The following ENGASE variants were observed in gnomAD, a reference collection of about 807,000 sequenced individuals.
ENGASE encodes the protein endo-beta-N-acetylglucosaminidase.
In ENGASE, 69 loss-of-function variants were observed where a neutral mutation model predicts 78.5. The ratio of observed to expected loss-of-function variants is 0.88; its 90% confidence interval spans 0.72 to 1.07. The LOEUF (loss-of-function observed/expected upper bound fraction) is 1.07. ENGASE is among the 50% of genes least tolerant of loss of function. The pLI, the probability that ENGASE is intolerant of heterozygous loss-of-function variation, is 0.00. For synonymous variants in ENGASE, 408 were observed against 408.9 expected (o/e 1.00, Z 0.03); for missense variants, 943 against 988.4 (o/e 0.95, Z 0.62).
At chr17:79,075,477 G>A (rs1311844515) in intron 1 of ENGASE, among the ~76,000 whole-genome samples, 1 of 152,276 alleles carries the variant, frequency 6.6e-6, no homozygotes, top group Non-Finnish European at 1.5e-5. Context: ...TGGTGGAAGG[G>A]GTGGCCTTCT....
chr17:79,079,352 G>A (rs2073057712), intron 3 of ENGASE, 137 bp from the exon 4 acceptor site: 1 of 927,296 alleles, frequency 1.1e-6, no homozygotes, highest in African/African-American at 1.7e-5. Flanking sequence ...TTTGTGGGGA[G>A]AGATGGGGTT....
In ENGASE at chr17:79,086,218, C is replaced by T. The variant is rs1417894026; in HGVS notation, c.2101C>T (p.Leu701=). The change falls in exon 14 of 14, where the codon CTG becomes TTG. Residue 701 remains leucine, a synonymous_variant. Transcript: ENST00000579016. ...CACCCAGTACCGGATAGTGGACCTG[C>T]TGGTGGAAGCCGCCGGGCCCGGCCA... ...FATQYRIVDL[L]VEAAGPGQDR... 2 of 1,613,390 alleles carry T rather than the reference C, an allele frequency of 1.2e-6. No individual in the cohort carries two copies. The highest frequency in any genetic ancestry group is 1.7e-5 in the Admixed American group (1 of 60,006).
At position 79,077,833 on chromosome 17, in the gene ENGASE, C is replaced by A; in HGVS notation, c.385C>A (p.His129Asn). 6.2e-7 allele frequency: 1 copy of A among 1,609,208 alleles called. No homozygotes were observed. The highest frequency in any genetic ancestry group is 2.2e-5 in the East Asian group (1 of 44,558). ...CCAGAGGCCCCGGACTTTGTTGTGT[C>A]ATGACATGATGGGCGGGTACCTGGA... The part of the protein sequence containing the change: ...SSQRPRTLLC[H>N]DMMGGYLDDR... Residue 129 changes from histidine (H) to asparagine (N), a missense_variant, in exon 3 of 14, where the codon CAT (histidine) becomes AAT (asparagine). Physicochemically the swap from His to Asn is moderately conservative, Grantham distance 68. Transcript: ENST00000579016.
chr17:79,085,120 C>T lies in ENGASE; in HGVS notation c.1592-114C>T, dbSNP rs545447488. 99 of 814,598 alleles carry T rather than the reference C, an allele frequency of 1.2e-4. 1 individual carries two copies. Among genetic ancestry groups the T allele is most frequent in the Admixed American group, 9.7e-4 (50 of 51,350 alleles). 50.5% of individuals were successfully genotyped at this position (814,598 alleles called of 1,614,324 possible). On this transcript the variant is annotated intron_variant, in intron 11 of 13. Transcript: ENST00000579016. ...CTGGTTGCTTCTTGGGACCCGCGAG[C>T]GTCTGGCCGAATCAGGCAGCCTTCT...
chr17:79,076,355 G>A (rs2072967981), intron 1 of ENGASE, among the ~76,000 whole-genome samples: 1 of 152,000 alleles, frequency 6.6e-6, no homozygotes. Context: ...ACCTGAGTTC[G>A]GGAGTTTGAG....
At chr17:79,077,033 C>G (rs1429590798) in intron 1 of ENGASE, among the ~76,000 whole-genome samples, 1 of 152,180 alleles carries the variant, frequency 6.6e-6, no homozygotes, top group East Asian at 1.9e-4. Context: ...GCCACCATGC[C>G]CAGCTAATTT....
chr17:79,085,952 T>G lies in ENGASE; in HGVS notation c.1835T>G (p.Leu612Arg). The change falls in exon 14 of 14, where the codon CTG (leucine) becomes CGG (arginine). Residue 612 changes from leucine to arginine, a missense_variant. Physicochemically the swap from Leu to Arg is moderately radical, Grantham distance 102. Transcript: ENST00000579016. The stretch of plus-strand genomic sequence containing the variant: ...TGCCAGGTGGTGGACGCTGCCAGCC[T>G]GCTGGCCCCTCTGCCCCAGGTGCAG... ...GEIQVVDAASLLAPLPQVQAV... is the reference protein window; with the variant it reads ...GEIQVVDAASRLAPLPQVQAV... The G allele has an allele frequency of 2.5e-6, 4 of 1,601,352 alleles. No individual in the cohort carries two copies. The highest frequency in any genetic ancestry group is 3.4e-6 in the Non-Finnish European group (4 of 1,177,620).
At chr17:79,084,816 G>A (rs949278061) in intron 11 of ENGASE, 130 bp downstream of exon 11, 1 of 1,019,402 alleles carries the variant, frequency 9.8e-7, no homozygotes, top group Non-Finnish European at 1.5e-6. Flanking sequence ...GCCTTTGCCG[G>A]AGTCAGGGCA....
At chr17:79,084,725 G>A (rs750131354) in intron 11 of ENGASE, 39 bp downstream of exon 11, 18 of 1,602,020 alleles carry the variant, frequency 1.1e-5, no homozygotes, top group South Asian at 3.3e-5. Context: ...TGCCCAGGGC[G>A]GAGAGCTCAG....
At chr17:79,077,921 G>T in intron 3 of ENGASE, 57 bp downstream of exon 3, 1 of 1,402,542 alleles carries the variant, frequency 7.1e-7, no homozygotes, top group Non-Finnish European at 9.7e-7. Context: ...GCTGGGGTGG[G>T]GGCTGGAGGG....
In ENGASE at chr17:79,081,054, G is replaced by A. The variant is rs547678422; in HGVS notation, c.853G>A (p.Glu285Lys). The A allele has an allele frequency of 9.8e-6, 14 of 1,428,406 alleles. No homozygotes were observed. The East Asian group carries it at 2.2e-4, about 22-fold the overall frequency. The allele number at this position is 1,428,406 out of a possible 1,614,324, so 88.5% of individuals were successfully genotyped here. The change falls in exon 6 of 14, where the codon GAA becomes AAA. Residue 285 changes from glutamate to lysine, a missense_variant. Glu to Lys is a moderately conservative substitution (Grantham distance 56). Transcript: ENST00000579016. The stretch of plus-strand genomic sequence containing the variant: ...AAGTGGGCAGCTCAAATGGCAAGAC[G>A]AACTCAACCAGCACAACAGGTGAGC... Reference protein sequence around the residue: ...VQSGQLKWQDELNQHNRVFFD... With the variant: ...VQSGQLKWQDKLNQHNRVFFD...
chr17:79,080,894 C>A, intron 5 of ENGASE, 31 bp from the exon 6 acceptor site: 1 of 1,593,954 alleles, frequency 6.3e-7, no homozygotes. Flanking sequence ...CTGGGGCTCA[C>A]TGAGGCTCTC....
rs553622016 is a variant in ENGASE, at chr17:79,087,216, C to G, written c.*867C>G. 8.3e-6 allele frequency: 3 copies of G among 362,886 alleles called. No individual in the cohort carries two copies. The highest frequency in any genetic ancestry group is 4.2e-5 in the African/African-American group (2 of 47,348). The allele number at this position is 362,886 out of a possible 1,614,324, so 22.5% of individuals were successfully genotyped here. On this transcript the variant is annotated 3_prime_UTR_variant, in exon 14 of 14. Transcript: ENST00000579016. ...CAGGCAGGAAGCAGCACCTGCCCCC[C>G]GCGCCAGCCCAGCCCCAGCCTGAGT...
chr17:79,085,976 A>G lies in ENGASE; in HGVS notation c.1859A>G (p.Gln620Arg), dbSNP rs1282856604. The G allele has an allele frequency of 1.0e-5, 16 of 1,607,182 alleles. No homozygotes were observed. The highest frequency in any genetic ancestry group is 1.4e-5 in the Non-Finnish European group (16 of 1,179,530). Residue 620 changes from glutamine to arginine, a missense_variant, in exon 14 of 14, where the codon CAG (glutamine) becomes CGG (arginine). By Grantham distance (43) the Gln-to-Arg change is conservative. Coordinates refer to ENST00000579016, the MANE Select transcript of ENGASE (RefSeq NM_001042573.3). Reference protein sequence around the residue: ...ASLLAPLPQVQAVTISHIRWQ... With the variant: ...ASLLAPLPQVRAVTISHIRWQ... ...CTGCTGGCCCCTCTGCCCCAGGTGC[A>G]GGCCGTCACCATCTCTCACATCCGC... is the stretch of plus-strand genomic sequence containing the variant.
intron 7 of ENGASE, 25 bp from the exon 8 acceptor site, chr17:79,082,992 TGCC>T: frequency 6.2e-7 from 1 of 1,609,174 alleles, no homozygotes; most frequent in Non-Finnish European, 8.5e-7. Context: ...GGTCCTGATG[TGCC>T]CAGCGTCTCC....
chr17:79,077,497 G>A lies in ENGASE; in HGVS notation c.214G>A (p.Val72Ile), dbSNP rs773557181. The change falls in exon 2 of 14, where the codon GTT becomes ATT. Residue 72 changes from valine (V) to isoleucine (I), a missense_variant and splice_region_variant. Transcript: ENST00000579016. ...VVSFSPDPLPVRYYDKDTTKP... is the reference protein window; with the variant it reads ...VVSFSPDPLPIRYYDKDTTKP... ...CAGTTTTTCCCCGGACCCCCTGCCA[G>A]GTGAGGAGACAGAGGCTCTGAATAC... 1 of 1,555,162 alleles carries A rather than the reference G, an allele frequency of 6.4e-7. No homozygotes were observed. Among genetic ancestry groups the A allele is most frequent in the South Asian group, 1.3e-5 (1 of 79,456 alleles).
chr17:79,085,316 G>C lies in ENGASE; in HGVS notation c.1674G>C (p.Arg558=). 1 of 1,612,396 alleles carries C rather than the reference G, an allele frequency of 6.2e-7. No individual in the cohort carries two copies. Among genetic ancestry groups the C allele is most frequent in the South Asian group, 1.1e-5 (1 of 91,022 alleles). ...CCAGATGGGTGGGCCGCTGCGGCCGGCAGCTGAGTGGGGGCTGGGTCCAGC... is the reference window on the plus strand; with the variant it reads ...CCAGATGGGTGGGCCGCTGCGGCCGCCAGCTGAGTGGGGGCTGGGTCCAGC... ...KLARWVGRCG[R]QLSGGWVQHC... The change falls in exon 12 of 14, where the codon CGG becomes CGC. Residue 558 remains arginine (R), a synonymous_variant. Coordinates refer to ENST00000579016, the MANE Select transcript of ENGASE (RefSeq NM_001042573.3).
chr17:79,075,582 AG>A, intron 1 of ENGASE: 1 of 570,874 alleles, frequency 1.8e-6, no homozygotes, highest in South Asian at 7.6e-5. Flanking sequence ...GGGAACAGAA[AG>A]GGCCAAAGCA....
chr17:79,082,947 C>G, intron 7 of ENGASE, 73 bp from the exon 8 acceptor site: 3 of 1,586,880 alleles, frequency 1.9e-6, no homozygotes, highest in Non-Finnish European at 2.6e-6. Context: ...AGCCCCAACC[C>G]ACGTCACTGG....
Sources: gnomAD v4.1 joint callset for allele counts (sites outside exome capture counted in the v4.1 genomes callset) on GRCh38, gnomAD v4.1.1 for gene constraint, MANE v1.5 for transcripts, NCBI Gene and HGNC (gene_info 2026-07-23, HGNC 2026-07-21) for gene names.